The following DGKZ variants were observed in gnomAD, a reference collection of about 807,000 sequenced individuals.
The protein encoded by DGKZ is DAG kinase zeta.
In DGKZ, 45 loss-of-function variants were observed where a neutral mutation model predicts 142.5. The observed-to-expected ratio is 0.32, with a 90% CI of 0.25 to 0.40. The LOEUF (loss-of-function observed/expected upper bound fraction) is 0.40. Ranked by LOEUF, DGKZ falls within the 10% of genes least tolerant of loss-of-function variation. DGKZ has a pLI of 1.00. For missense variants in DGKZ, 755 were observed against 1,306.5 expected (o/e 0.58, Z 6.51); for synonymous variants, 442 against 527.0 (o/e 0.84, Z 2.21).
At chr11:46,377,705 C>A in intron 25 of DGKZ, 1 of 218,914 alleles carries the variant, frequency 4.6e-6, no homozygotes, top group Non-Finnish European at 9.1e-6. Context: ...GGGCTCCCAG[C>A]CCCCTCCCTG....
intron 1 of DGKZ, among the ~76,000 whole-genome samples, chr11:46,354,384 C>T (rs906092687): frequency 1.5e-4 from 23 of 152,088 alleles, no homozygotes; most frequent in African/African-American, 3.6e-4. Flanking sequence ...TTTGTAGAGA[C>T]GAGGTCCTGC....
chr11:46,346,795 C>T (rs1019013881), upstream of DGKZ, among the ~76,000 whole-genome samples: 1 of 151,924 alleles, frequency 6.6e-6, no homozygotes, highest in Non-Finnish European at 1.5e-5. Context: ...CAGGAAAATG[C>T]GATGTGTTGG....
At chr11:46,351,405 A>G (rs889561109) in intron 1 of DGKZ, among the ~76,000 whole-genome samples, 3 of 152,150 alleles carry the variant, frequency 2.0e-5, no homozygotes, top group Non-Finnish European at 4.4e-5. Flanking sequence ...GTGTGAGACA[A>G]TGGGTCCCAT....
chr11:46,366,783 C>T (rs750869274), intron 1 of DGKZ: 3 of 1,548,106 alleles, frequency 1.9e-6, no homozygotes, highest in Non-Finnish European at 1.7e-6. Context: ...TATGACCACG[C>T]TCTCTGGGGC....
intron 26 of DGKZ, 62 bp downstream of exon 26, chr11:46,378,291 G>A (rs536331541): frequency 1.7e-5 from 26 of 1,568,480 alleles, no homozygotes; most frequent in Non-Finnish European, 1.7e-6. Context: ...GGCTCAGTGG[G>A]GTGGGGATAG....
chr11:46,371,966 G>A (rs1943996358), intron 9 of DGKZ, 109 bp from the exon 10 acceptor site: 1 of 1,250,024 alleles, frequency 8.0e-7, no homozygotes, highest in Admixed American at 2.0e-5. Context: ...CCCAGAGATG[G>A]TACGTGAGGG....
intron 1 of DGKZ, chr11:46,365,158 C>G: frequency 1.0e-6 from 1 of 985,366 alleles, no homozygotes; most frequent in Non-Finnish European, 1.2e-6. Flanking sequence ...AGGCCAGGTC[C>G]AGGTGGGAGC....
At chr11:46,377,285 C>T in intron 25 of DGKZ, 73 bp downstream of exon 25, 1 of 1,499,278 alleles carries the variant, frequency 6.7e-7, no homozygotes, top group South Asian at 1.4e-5. Flanking sequence ...TTCTGAATCC[C>T]TGCTTCTAGC....
At chr11:46,376,014 T>C in intron 21 of DGKZ, 52 bp from the exon 22 acceptor site, 2 of 1,611,852 alleles carry the variant, frequency 1.2e-6, no homozygotes, top group South Asian at 2.2e-5. Context: ...GGGGCCCCCT[T>C]GGGCAGGGCT....
At chr11:46,379,305 T>G (rs746577104) in intron 29 of DGKZ, 69 bp downstream of exon 29, 21 of 1,603,304 alleles carry the variant, frequency 1.3e-5, no homozygotes, top group Non-Finnish European at 1.7e-5. Flanking sequence ...CCTCCCATTT[T>G]GTCAGGTCAG....
chr11:46,379,583 G>GTGA lies in DGKZ; in HGVS notation c.2688+15_2688+16insTGA, dbSNP rs1350945556. The GTGA allele has an allele frequency of 6.3e-7, 1 of 1,596,770 alleles. No homozygotes were observed. Among genetic ancestry groups the GTGA allele is most frequent in the Non-Finnish European group, 8.5e-7 (1 of 1,171,748 alleles). ...CAGACCAGCAGGTGAGCAGACGGCA[G>GTGA]GCAGGGAGCCCACGAGGGCACCAAC... On this transcript the variant is annotated intron_variant, in intron 30 of 30. Coordinates refer to ENST00000527911, the Ensembl canonical transcript of DGKZ.
chr11:46,340,042 G>A (rs1313570774), intron 1 of DGKZ, among the ~76,000 whole-genome samples: 17 of 152,242 alleles, frequency 1.1e-4, no homozygotes, highest in Admixed American at 1.1e-3. Flanking sequence ...AGGCCACTGG[G>A]CCGCAGCTTA....
rs541668609 is a variant in DGKZ, at chr11:46,334,705, G to A, written c.212+1218G>A. Among the ~76,000 whole-genome samples the A allele has an allele frequency of 1.7e-4, 26 of 152,254 alleles. 1 individual carries two copies. The South Asian group carries it at 5.0e-3, about 29-fold the overall frequency. ...GTATACTAGAAATCGTGGGTACACC[G>A]GGCTCCATTACCAAGTTCTTCCAGA... is the stretch of plus-strand genomic sequence containing the variant. On this transcript the variant is annotated intron_variant, in intron 1 of 30. Coordinates refer to the DGKZ transcript ENST00000343674.
In DGKZ at chr11:46,379,601, G is replaced by A. The variant is rs753958000; in HGVS notation, c.2688+33G>A. 33 of 1,562,114 alleles carry A rather than the reference G, an allele frequency of 2.1e-5. 1 individual carries two copies. In the South Asian group the frequency reaches 3.5e-4, roughly 17 times the overall value. ...GACGGCAGGCAGGGAGCCCACGAGG[G>A]CACCAACCAAACCTTTCCCAAGGTC... On this transcript the variant is annotated intron_variant, in intron 30 of 30. Coordinates refer to ENST00000527911, the Ensembl canonical transcript of DGKZ.
chr11:46,376,628 G>A, intron 24 of DGKZ, 64 bp downstream of exon 24: 1 of 1,603,264 alleles, frequency 6.2e-7, no homozygotes, highest in Non-Finnish European at 8.5e-7. Context: ...CCTCTCCTGG[G>A]ACGCCTTCCC....
In DGKZ at chr11:46,372,253, C is replaced by T. The variant is rs1304702248; in HGVS notation, c.927+83C>T. The stretch of plus-strand genomic sequence containing the variant: ...TCTGCCAGCAGCTGTTCCCAGAGCC[C>T]GTTTCTGGCTTCTACCCCAATCCCT... On this transcript the variant is annotated intron_variant, in intron 10 of 30. Coordinates refer to ENST00000527911, the Ensembl canonical transcript of DGKZ. This position sits in a 1 kb window ranked among gnomAD's most constrained non-coding sequence, Gnocchi z 5.9. 11 of 1,409,518 alleles carry T rather than the reference C, an allele frequency of 7.8e-6. No homozygotes were observed. The highest frequency in any genetic ancestry group is 4.2e-5 in the Admixed American group (2 of 47,272). The allele number at this position is 1,409,518 out of a possible 1,614,324, so 87.3% of individuals were successfully genotyped here.
chr11:46,358,896 A>G (rs1942321241), intron 1 of DGKZ, among the ~76,000 whole-genome samples: 1 of 152,176 alleles, frequency 6.6e-6, no homozygotes, highest in Non-Finnish European at 1.5e-5. Flanking sequence ...TAATCCCAGC[A>G]CTTTGGGAGG....
At chr11:46,374,476 G>T (rs755081851) in intron 16 of DGKZ, 22 bp downstream of exon 16, 1 of 1,613,850 alleles carries the variant, frequency 6.2e-7, no homozygotes, top group Non-Finnish European at 8.5e-7. Flanking sequence ...CTGCACCCCC[G>T]CCTGTGCCCA....
upstream of DGKZ, among the ~76,000 whole-genome samples, chr11:46,347,205 G>T (rs1940718942): frequency 6.6e-6 from 1 of 152,158 alleles, no homozygotes; most frequent in African/African-American, 2.4e-5. This position sits in a 1 kb window ranked among gnomAD's most constrained non-coding sequence, Gnocchi z 6.4. Flanking sequence ...TGCGCGTCTG[G>T]ATGCGCGCAG....
Sources: gnomAD v4.1 joint callset for allele counts (sites outside exome capture counted in the v4.1 genomes callset) on GRCh38, gnomAD v4.1.1 for gene constraint, Gnocchi (gnomAD v3.1) non-coding constraint, MANE v1.5 for transcripts, NCBI Gene and HGNC (gene_info 2026-07-23, HGNC 2026-07-21) for gene names.